Variants in RPS6KA2 observed in about 807,000 individuals in gnomAD.
The protein encoded by RPS6KA2 is ribosomal protein S6 kinase A2.
Under a neutral mutation model 91.8 loss-of-function variants are expected in RPS6KA2, and 42 were observed. The ratio of observed to expected loss-of-function variants is 0.46; its 90% confidence interval spans 0.36 to 0.59. The LOEUF is 0.59. Among genes scored for constraint, RPS6KA2 ranks in the 20% least tolerant of loss-of-function variants. The probability of loss-of-function intolerance (pLI) is 0.00; values close to 1 mark genes in which losing one functional copy is unlikely to be tolerated. For missense variants in RPS6KA2, 798 were observed against 978.5 expected, an observed-to-expected ratio of 0.82 and a Z score of 2.46; for synonymous variants, 414 against 393.6, an observed-to-expected ratio of 1.05 and a Z score of -0.61.
chr6:166,841,246 G>A (rs1001809250), intron 2 of RPS6KA2, among the ~76,000 whole-genome samples: 6 of 152,138 alleles, frequency 3.9e-5, no homozygotes, highest in East Asian at 1.9e-4. Flanking sequence ...GAGTGAGATC[G>A]TGTATCAAAA....
In RPS6KA2 at chr6:166,825,657, T is replaced by G. The variant is rs918423512; in HGVS notation, c.123+32543A>C. ...GATTCAGTGTTGGATGAGAACCCAC[T>G]TCCTAGTACATAGACAGCAACTTCT... On this transcript the variant is annotated intron_variant, in intron 2 of 21. Coordinates refer to the RPS6KA2 transcript ENST00000503859. The surrounding 1 kb of genome is among the most constrained non-coding windows in gnomAD (Gnocchi z 4.1). Among the ~76,000 whole-genome samples, 1 of 152,108 alleles carries G rather than the reference T, an allele frequency of 6.6e-6. No individual in the cohort carries two copies. Among genetic ancestry groups the G allele is most frequent in the Non-Finnish European group, 1.5e-5 (1 of 67,998 alleles).
At chr6:166,802,627 G>A (rs534224049) in intron 2 of RPS6KA2, among the ~76,000 whole-genome samples, 1 of 152,260 alleles carries the variant, frequency 6.6e-6, no homozygotes, top group South Asian at 2.1e-4. Flanking sequence ...TCCCTCTGAG[G>A]GGACTGTGAT....
At chr6:166,566,040 AT>A (rs1460936566) in intron 1 of RPS6KA2, among the ~76,000 whole-genome samples, 1 of 152,240 alleles carries the variant, frequency 6.6e-6, no homozygotes, top group African/African-American at 2.4e-5. Flanking sequence ...GAAATAAAGA[AT>A]GGGAAGAGTG....
intron 2 of RPS6KA2, among the ~76,000 whole-genome samples, chr6:166,720,960 C>T (rs1320069472): frequency 2.6e-5 from 4 of 152,186 alleles, no homozygotes; most frequent in Non-Finnish European, 2.9e-5. Flanking sequence ...GCATGTTTAA[C>T]ACTAAAGGGT....
intron 2 of RPS6KA2, among the ~76,000 whole-genome samples, chr6:166,807,260 C>T (rs1460445199): frequency 2.6e-5 from 4 of 152,172 alleles, no homozygotes; most frequent in African/African-American, 9.7e-5. Flanking sequence ...CATCCATCCT[C>T]AGTTCTCATC....
intron 2 of RPS6KA2, among the ~76,000 whole-genome samples, chr6:166,634,744 G>A (rs970574198): frequency 1.3e-5 from 2 of 152,182 alleles, no homozygotes; most frequent in Non-Finnish European, 2.9e-5. Flanking sequence ...TGGGGCTACA[G>A]GTGTGCGCCA....
chr6:166,457,200 T>C (rs1232888458), intron 12 of RPS6KA2, among the ~76,000 whole-genome samples: 6 of 152,252 alleles, frequency 3.9e-5, no homozygotes, highest in African/African-American at 1.4e-4. Flanking sequence ...GACAACGATC[T>C]CGTGGTCAGA....
chr6:166,837,867 T>G (rs1780361703), intron 2 of RPS6KA2, among the ~76,000 whole-genome samples: 1 of 152,276 alleles, frequency 6.6e-6, no homozygotes, highest in Non-Finnish European at 1.5e-5. Flanking sequence ...TGGTTGGTTG[T>G]TTGCTTTTTA....
intron 2 of RPS6KA2, among the ~76,000 whole-genome samples, chr6:166,744,773 G>T (rs1234411139): frequency 6.6e-6 from 1 of 152,182 alleles, no homozygotes; most frequent in East Asian, 1.9e-4. Context: ...GTCCCTGGCG[G>T]CGGTGGGGTC....
At chr6:166,456,244 C>A (rs1780101845) in intron 12 of RPS6KA2, among the ~76,000 whole-genome samples, 2 of 152,208 alleles carry the variant, frequency 1.3e-5, no homozygotes, top group South Asian at 4.1e-4. Context: ...TGGATCTTCA[C>A]CAAAAGTTAA....
intron 2 of RPS6KA2, among the ~76,000 whole-genome samples, chr6:166,647,378 G>A (rs780546224): frequency 3.3e-5 from 5 of 152,126 alleles, no homozygotes; most frequent in Non-Finnish European, 5.9e-5. Flanking sequence ...TCTTCTTGCC[G>A]GGTTAGTGCA....
chr6:166,702,577 A>G lies in RPS6KA2; in HGVS notation c.123+155623T>C, dbSNP rs1217709865. On this transcript the variant is annotated intron_variant, in intron 2 of 21. Transcript: ENST00000503859. ...CACCTCCCACTGTAAGTGAGGAGGGATATTTCGTATCTGAAGTTTCCGAAT... is the reference window on the plus strand; with the variant it reads ...CACCTCCCACTGTAAGTGAGGAGGGGTATTTCGTATCTGAAGTTTCCGAAT... The G allele has an allele frequency of 6.8e-6, 10 of 1,460,370 alleles. No individual in the cohort carries two copies. The African/African-American group carries it at 1.3e-4, about 18-fold the overall frequency. 90.5% of individuals were successfully genotyped at this position (1,460,370 alleles called of 1,614,324 possible).
In RPS6KA2 at chr6:166,410,765, GACTT is replaced by G. The variant is rs976981072; in HGVS notation, c.*1993_*1996del. On this transcript the variant is annotated 3_prime_UTR_variant, in exon 21 of 21. Coordinates refer to ENST00000265678, the MANE Select transcript of RPS6KA2 (RefSeq NM_021135.6). ...CTCACTCCCTGCACCAGAACCCACT[GACTT>G]TAAGCAAACAGACAGGCCTGCACAC... The G allele has an allele frequency of 1.3e-5, 2 of 152,124 alleles. No individual in the cohort carries two copies. The highest frequency in any genetic ancestry group is 6.6e-5 in the Admixed American group (1 of 15,256). 9.4% of individuals were successfully genotyped at this position (152,124 alleles called of 1,614,324 possible).
intron 2 of RPS6KA2, among the ~76,000 whole-genome samples, chr6:166,705,888 G>T (rs921535406): frequency 6.6e-6 from 1 of 152,094 alleles, no homozygotes; most frequent in Non-Finnish European, 1.5e-5. Flanking sequence ...TTTGGAGGGG[G>T]GTCTGGGAGG....
chr6:166,523,290 A>G (rs1782920158), intron 3 of RPS6KA2, among the ~76,000 whole-genome samples: 1 of 152,188 alleles, frequency 6.6e-6, no homozygotes, highest in Non-Finnish European at 1.5e-5. Context: ...AGACATTTTC[A>G]TTTTGTTTGT....
chr6:166,613,991 C>T (rs1247413875), intron 1 of RPS6KA2, among the ~76,000 whole-genome samples: 1 of 152,240 alleles, frequency 6.6e-6, no homozygotes, highest in Non-Finnish European at 1.5e-5. Flanking sequence ...GGGACACTGA[C>T]TTCTGGCAGG....
At chr6:166,670,823 T>A (rs79226583) in intron 2 of RPS6KA2, among the ~76,000 whole-genome samples, 2,145 of 152,260 alleles carry the variant, frequency 0.014, 48 homozygotes, top group African/African-American at 0.049. Flanking sequence ...CAACACGTTA[T>A]TTATTTATTT....
chr6:166,681,449 T>C (rs1370532079), intron 2 of RPS6KA2, among the ~76,000 whole-genome samples: 2 of 152,182 alleles, frequency 1.3e-5, no homozygotes, highest in African/African-American at 4.8e-5. Context: ...AAGTTTCTTA[T>C]CTGCACCCTC....
At chr6:166,516,865 T>A (rs568868693) in intron 3 of RPS6KA2, among the ~76,000 whole-genome samples, 1 of 152,314 alleles carries the variant, frequency 6.6e-6, no homozygotes, top group African/African-American at 2.4e-5. Flanking sequence ...AAAGGGGGGT[T>A]CCTACTCCAT....
Sources: gnomAD v4.1 joint callset for allele counts (sites outside exome capture counted in the v4.1 genomes callset) on GRCh38, gnomAD v4.1.1 for gene constraint, Gnocchi (gnomAD v3.1) non-coding constraint, MANE v1.5 for transcripts, NCBI Gene and HGNC (gene_info 2026-07-23, HGNC 2026-07-21) for gene names.